Variants in AK7 observed in about 807,000 individuals in gnomAD.
AK7 encodes the protein adenylate kinase 7, also known as ATP-AMP transphosphorylase 7.
Under a neutral mutation model 96.6 loss-of-function variants are expected in AK7, and 78 were observed. That is an observed-to-expected ratio of 0.81 (90% CI 0.67 to 0.97). AK7 has a LOEUF of 0.97. Ranked by LOEUF, AK7 falls within the 50% of genes least tolerant of loss-of-function variation. The probability of loss-of-function intolerance (pLI) is 0.00; values close to 1 mark genes in which losing one functional copy is unlikely to be tolerated. For missense variants in AK7, 855 were observed against 887.9 expected, an observed-to-expected ratio of 0.96 and a Z score of 0.47; for synonymous variants, 302 against 317.2, an observed-to-expected ratio of 0.95 and a Z score of 0.51.
intron 17 of AK7, among the ~76,000 whole-genome samples, chr14:96,487,383 C>CA (rs150742803): frequency 0.059 from 2,731 of 46,522 alleles, 113 homozygotes; most frequent in African/African-American, 0.076. Flanking sequence ...GACTCCGTCT[C>CA]AAAAAAAAAA....
intron 14 of AK7, among the ~76,000 whole-genome samples, chr14:96,476,528 T>G (rs561287613): frequency 2.1e-5 from 3 of 144,124 alleles, no homozygotes; most frequent in African/African-American, 7.7e-5. Context: ...AAAAAAACCA[T>G]AGATTTTTCA....
chr14:96,426,417 A>G (rs1418229350), intron 5 of AK7, among the ~76,000 whole-genome samples: 2 of 152,144 alleles, frequency 1.3e-5, no homozygotes, highest in African/African-American at 2.4e-5. Flanking sequence ...GGTTCATTGT[A>G]TAGTCTTCCT....
chr14:96,446,730 C>T, intron 8 of AK7, 123 bp downstream of exon 8: 2 of 737,790 alleles, frequency 2.7e-6, no homozygotes, highest in Non-Finnish European at 4.6e-6. Context: ...CACCTGAGGT[C>T]AGGAGCTCAA....
intron 1 of AK7, among the ~76,000 whole-genome samples, chr14:96,395,766 C>T (rs1890038547): frequency 3.5e-5 from 4 of 114,186 alleles, no homozygotes; most frequent in Admixed American, 8.8e-5. Context: ...GGGAGTTTAT[C>T]TCCTTCCTTA....
intron 4 of AK7, among the ~76,000 whole-genome samples, chr14:96,411,466 G>A (rs1411234225): frequency 1.3e-5 from 2 of 151,546 alleles, no homozygotes; most frequent in South Asian, 2.1e-4. Context: ...AGCAGAGATC[G>A]CACCACTGTA....
intron 1 of AK7, among the ~76,000 whole-genome samples, chr14:96,393,197 T>A (rs552046055): frequency 6.6e-6 from 1 of 152,302 alleles, no homozygotes; most frequent in African/African-American, 2.4e-5. Flanking sequence ...CATGATTTTA[T>A]CATTCCCTGT....
chr14:96,420,299 C>T (rs1891603788), intron 4 of AK7, among the ~76,000 whole-genome samples: 4 of 151,668 alleles, frequency 2.6e-5, no homozygotes, highest in Non-Finnish European at 5.9e-5. Context: ...GAGTTCCATA[C>T]CAGCCTGGCC....
intron 5 of AK7, among the ~76,000 whole-genome samples, chr14:96,433,358 T>C (rs763757704): frequency 6.6e-5 from 10 of 152,194 alleles, no homozygotes; most frequent in Non-Finnish European, 1.2e-4. Flanking sequence ...TCTTGGAGGC[T>C]TTGTTCATTT....
chr14:96,454,541 G>A (rs1220340613), intron 10 of AK7, among the ~76,000 whole-genome samples: 2 of 151,712 alleles, frequency 1.3e-5, no homozygotes, highest in Non-Finnish European at 2.9e-5. Context: ...GCAGTGGTAG[G>A]ACCACGACTC....
intron 17 of AK7, among the ~76,000 whole-genome samples, chr14:96,487,484 C>T (rs1468560076): frequency 1.5e-4 from 21 of 140,192 alleles, no homozygotes; most frequent in African/African-American, 5.4e-4. Context: ...GGCTGGAGTG[C>T]AGTGGCACGT....
intron 2 of AK7, among the ~76,000 whole-genome samples, chr14:96,401,544 G>A (rs1411600186): frequency 6.6e-6 from 1 of 152,206 alleles, no homozygotes; most frequent in Non-Finnish European, 1.5e-5. Flanking sequence ...AGTATATGGT[G>A]CGCTGTGGCA....
chr14:96,472,879 C>G (rs1431677863), intron 14 of AK7, 124 bp downstream of exon 14: 7 of 649,060 alleles, frequency 1.1e-5, no homozygotes, highest in Non-Finnish European at 1.6e-5. Context: ...GTCAGGAGTT[C>G]AAGACCAGCC....
chr14:96,412,571 C>CT (rs772179426), intron 4 of AK7, among the ~76,000 whole-genome samples: 207 of 137,542 alleles, frequency 1.5e-3, no homozygotes, highest in South Asian at 1.9e-3. Context: ...CCTTGCAGTA[C>CT]TTTTTTTTTT....
chr14:96,458,934 A>T (rs111799059), intron 12 of AK7, among the ~76,000 whole-genome samples: 1 of 124,990 alleles, frequency 8.0e-6, no homozygotes. Context: ...AAAAAAAAAA[A>T]AAAAGGTGAA....
intron 6 of AK7, among the ~76,000 whole-genome samples, chr14:96,440,166 G>A (rs1160496407): frequency 1.3e-5 from 2 of 152,096 alleles, no homozygotes; most frequent in African/African-American, 2.4e-5. Context: ...AGTAGAGACA[G>A]GGTTTCACCA....
At chr14:96,452,169 T>TA (rs1893643317) in intron 10 of AK7, among the ~76,000 whole-genome samples, 1 of 152,226 alleles carries the variant, frequency 6.6e-6, no homozygotes, top group African/African-American at 2.4e-5. Flanking sequence ...CTGTACAACA[T>TA]AAAGTTTTGA....
intron 3 of AK7, among the ~76,000 whole-genome samples, chr14:96,405,652 G>A (rs1342109742): frequency 6.6e-6 from 1 of 152,224 alleles, no homozygotes; most frequent in Non-Finnish European, 1.5e-5. Flanking sequence ...CTCAACAAAG[G>A]GGGGTGCGCT....
At chr14:96,463,858 T>TA in intron 12 of AK7, among the ~76,000 whole-genome samples, 1 of 152,098 alleles carries the variant, frequency 6.6e-6, no homozygotes, top group East Asian at 1.9e-4. Context: ...TCTAAAAACT[T>TA]ACACAAAGTA....
At chr14:96,487,383 C>CAAAAAAAAAAA (rs150742803) in intron 17 of AK7, among the ~76,000 whole-genome samples, 26 of 46,620 alleles carry the variant, frequency 5.6e-4, no homozygotes, top group Non-Finnish European at 6.4e-4. Flanking sequence ...GACTCCGTCT[C>CAAAAAAAAAAA]AAAAAAAAAA....
Sources: gnomAD v4.1 joint callset for allele counts (sites outside exome capture counted in the v4.1 genomes callset) on GRCh38, gnomAD v4.1.1 for gene constraint, MANE v1.5 for transcripts, NCBI Gene and HGNC (gene_info 2026-07-23, HGNC 2026-07-21) for gene names.